The following RAPGEF5 variants were observed in gnomAD, a reference collection of about 807,000 sequenced individuals.
The protein encoded by RAPGEF5 is Rap guanine nucleotide exchange factor 5.
In RAPGEF5, 65 loss-of-function variants were observed where a neutral mutation model predicts 125.2. The observed-to-expected ratio is 0.52, with a 90% CI of 0.43 to 0.64. RAPGEF5 has a LOEUF of 0.64. Among genes scored for constraint, RAPGEF5 ranks in the 30% least tolerant of loss-of-function variants. The probability of loss-of-function intolerance (pLI) is 0.00; values close to 1 mark genes in which losing one functional copy is unlikely to be tolerated. For missense variants in RAPGEF5, 958 were observed against 1,048.1 expected (o/e 0.91, Z 1.19); for synonymous variants, 391 against 385.9 (o/e 1.01, Z -0.16).
At chr7:22,132,300 C>T (rs951776547) in intron 23 of RAPGEF5, among the ~76,000 whole-genome samples, 1 of 152,090 alleles carries the variant, frequency 6.6e-6, no homozygotes, top group African/African-American at 2.4e-5. Context: ...CACACTGATG[C>T]AACCCTTTCC....
chr7:22,153,677 C>T (rs1049602393), intron 17 of RAPGEF5, among the ~76,000 whole-genome samples: 52 of 152,274 alleles, frequency 3.4e-4, no homozygotes, highest in African/African-American at 1.2e-3. Flanking sequence ...CTCCCCTGCC[C>T]GCATCTCTGG....
At chr7:22,286,389 C>G (rs1036389510) in intron 6 of RAPGEF5, among the ~76,000 whole-genome samples, 1 of 152,184 alleles carries the variant, frequency 6.6e-6, no homozygotes, top group Admixed American at 6.5e-5. Flanking sequence ...AGGTGTTTGA[C>G]AATTAGACTA....
intron 19 of RAPGEF5, 97 bp downstream of exon 19, chr7:22,146,800 T>G: frequency 1.4e-6 from 2 of 1,388,860 alleles, no homozygotes; most frequent in Non-Finnish European, 1.9e-6. Flanking sequence ...GACCACGTTA[T>G]TCTAGCATAA....
intron 11 of RAPGEF5, among the ~76,000 whole-genome samples, chr7:22,182,662 C>A (rs1784710456): frequency 6.6e-6 from 1 of 152,008 alleles, no homozygotes; most frequent in Non-Finnish European, 1.5e-5. Flanking sequence ...AGAAATGAAA[C>A]CCCAGTTAGC....
chr7:22,136,855 C>G, intron 22 of RAPGEF5, 78 bp downstream of exon 22: 3 of 1,229,362 alleles, frequency 2.4e-6, no homozygotes, highest in Non-Finnish European at 3.5e-6. Flanking sequence ...GTACAAATAC[C>G]ACCCACTATA....
chr7:22,199,011 C>T (rs1785213979), intron 9 of RAPGEF5, among the ~76,000 whole-genome samples: 1 of 152,206 alleles, frequency 6.6e-6, no homozygotes, highest in South Asian at 2.1e-4. Flanking sequence ...AAGGAGATGT[C>T]ACTTTCCCTC....
At position 22,145,836 on chromosome 7, in the gene RAPGEF5, TA is replaced by T. The variant is rs533617449; in HGVS notation, c.2008-615del. Among the ~76,000 whole-genome samples the T allele has an allele frequency of 4.8e-3, 734 of 152,232 alleles. 7 individuals carry two copies. The highest frequency in any genetic ancestry group is 0.017 in the African/African-American group (706 of 41,528). On this transcript the variant is annotated intron_variant, in intron 19 of 25. Transcript: ENST00000665637. ...ACCAATATAAAACATTGTCAAACCA[TA>T]AAATGCAAAGAGAATGAGATTAGGG... is the stretch of plus-strand genomic sequence containing the variant.
At chr7:22,323,599 A>G (rs759665954) in intron 1 of RAPGEF5, among the ~76,000 whole-genome samples, 5 of 152,206 alleles carry the variant, frequency 3.3e-5, no homozygotes, top group Admixed American at 3.3e-4. Flanking sequence ...AAAATGGCTT[A>G]ATTAGCGAGC....
chr7:22,322,814 C>G (rs1418610622), intron 1 of RAPGEF5, among the ~76,000 whole-genome samples: 1 of 152,196 alleles, frequency 6.6e-6, no homozygotes, highest in African/African-American at 2.4e-5. Flanking sequence ...ACGAGGAGAC[C>G]TGGGCAGTCT....
intron 6 of RAPGEF5, among the ~76,000 whole-genome samples, chr7:22,284,605 AT>A (rs1782753848): frequency 6.6e-6 from 1 of 152,184 alleles, no homozygotes; most frequent in Non-Finnish European, 1.5e-5. Context: ...CCAAGTAGGA[AT>A]TTTATGTTCC....
chr7:22,324,059 T>A (rs1783767617), intron 1 of RAPGEF5, among the ~76,000 whole-genome samples: 1 of 152,128 alleles, frequency 6.6e-6, no homozygotes, highest in South Asian at 2.1e-4. Context: ...ACTTAGTAAG[T>A]ACACAGGAAA....
rs761740056 is a variant in RAPGEF5, at chr7:22,284,537, C to A, written c.747+6638G>T. 8.5e-4 allele frequency among the ~76,000 whole-genome samples: 129 copies of A among 152,206 alleles called. 2 individuals are homozygous for A. Among genetic ancestry groups the A allele is most frequent in the Non-Finnish European group, 2.4e-4 (16 of 68,032 alleles). On this transcript the variant is annotated intron_variant, in intron 6 of 25. Coordinates refer to ENST00000665637, the MANE Select transcript of RAPGEF5 (RefSeq NM_012294.5). ...TCAAAACTCAATCTGCCTGGCCCTT[C>A]CCCAAATCATATAGTAGCTCTTAAG...
At chr7:22,290,744 CA>C (rs398003971) in intron 6 of RAPGEF5, among the ~76,000 whole-genome samples, 23,934 of 86,266 alleles carry the variant, frequency 0.28, 1,636 homozygotes, top group African/African-American at 0.37. Flanking sequence ...GACTCCGTCT[CA>C]AAAAAAAAAA....
At chr7:22,165,994 CTA>C (rs753134718) in intron 12 of RAPGEF5, among the ~76,000 whole-genome samples, 1 of 147,238 alleles carries the variant, frequency 6.8e-6, no homozygotes, top group African/African-American at 2.5e-5. Flanking sequence ...TTTGGTATGC[CTA>C]TATATATATA....
intron 7 of RAPGEF5, among the ~76,000 whole-genome samples, chr7:22,235,773 C>T (rs1328048691): frequency 6.6e-6 from 1 of 152,158 alleles, no homozygotes; most frequent in African/African-American, 2.4e-5. Flanking sequence ...AATACTCCAA[C>T]CACATTCAGC....
At chr7:22,343,014 T>A (rs1180754328) in intron 1 of RAPGEF5, among the ~76,000 whole-genome samples, 3 of 152,212 alleles carry the variant, frequency 2.0e-5, no homozygotes. Context: ...ATTTACTGTA[T>A]TAGTCCGTTT....
At chr7:22,234,369 T>G (rs1786133675) in intron 7 of RAPGEF5, among the ~76,000 whole-genome samples, 1 of 152,172 alleles carries the variant, frequency 6.6e-6, no homozygotes, top group African/African-American at 2.4e-5. Context: ...AAATTTCCTA[T>G]GCAAATATTG....
At chr7:22,259,494 A>G (rs976877699) in intron 7 of RAPGEF5, among the ~76,000 whole-genome samples, 3 of 152,220 alleles carry the variant, frequency 2.0e-5, no homozygotes, top group African/African-American at 4.8e-5. Flanking sequence ...TCTAGCAATC[A>G]AACTCCTTGG....
intron 21 of RAPGEF5, 47 bp from the exon 22 acceptor site, chr7:22,137,030 TA>T (rs1341325244): frequency 3.5e-6 from 5 of 1,426,416 alleles, no homozygotes; most frequent in Non-Finnish European, 4.8e-6. Flanking sequence ...AGAAGTTGGT[TA>T]TTTTCAGAGG....
Sources: allele counts gnomAD v4.1 joint callset (sites outside exome capture counted in the v4.1 genomes callset), GRCh38; gene constraint gnomAD v4.1.1; transcripts MANE v1.5; gene names NCBI Gene and HGNC (gene_info 2026-07-23, HGNC 2026-07-21).